IGF2BP3: variants seen among roughly 807,000 people sequenced by gnomAD.
IGF2BP3 encodes insulin-like growth factor 2 mRNA-binding protein 3.
A neutral mutation model predicts 73.8 loss-of-function variants in IGF2BP3; 9 were observed. The ratio of observed to expected loss-of-function variants is 0.12; its 90% CI spans 0.07 to 0.21. IGF2BP3 has a LOEUF of 0.21. Ranked by LOEUF, IGF2BP3 falls within the 10% of genes least tolerant of loss-of-function variation. The pLI is 1.00. For synonymous variants in IGF2BP3, 258 were observed against 256.7 expected (o/e 1.01, Z -0.05); for missense variants, 542 against 714.0 (o/e 0.76, Z 2.75).
intron 2 of IGF2BP3, among the ~76,000 whole-genome samples, chr7:23,442,677 C>A (rs1787964529): frequency 6.6e-6 from 1 of 152,116 alleles, no homozygotes; most frequent in Non-Finnish European, 1.5e-5. Flanking sequence ...GGATTACAGG[C>A]TTGAGCTACC....
intron 10 of IGF2BP3, among the ~76,000 whole-genome samples, chr7:23,333,116 T>C (rs1391339989): frequency 2.0e-5 from 3 of 152,208 alleles, no homozygotes; most frequent in East Asian, 3.9e-4. Flanking sequence ...TCTGTAAAGA[T>C]AAAACAAAGG....
chr7:23,361,663 T>A (rs749936622), intron 4 of IGF2BP3, 27 bp downstream of exon 4: 1 of 1,613,708 alleles, frequency 6.2e-7, no homozygotes, highest in Non-Finnish European at 8.5e-7. Flanking sequence ...CTTTTACAAA[T>A]TTGAAAGCAA....
At chr7:23,334,950 T>C (rs769886000) in intron 10 of IGF2BP3, among the ~76,000 whole-genome samples, 4 of 151,940 alleles carry the variant, frequency 2.6e-5, no homozygotes, top group Non-Finnish European at 4.4e-5. Flanking sequence ...CGGTTTCCCT[T>C]TGGCTTGTAA....
chr7:23,438,710 A>T (rs1004000619), intron 2 of IGF2BP3, among the ~76,000 whole-genome samples: 3 of 152,236 alleles, frequency 2.0e-5, no homozygotes, highest in African/African-American at 4.8e-5. Flanking sequence ...ATCTTTAAAA[A>T]TTTAGTTAAA....
Position 23,311,359 on chromosome 7 carries a change from T to C in IGF2BP3, c.*1003A>G, listed in dbSNP as rs549998549. On this transcript the variant is annotated 3_prime_UTR_variant, in exon 15 of 15. Transcript: ENST00000258729. ...TTCACTGATGCACTTTCTTTAGGTA[T>C]TGATAGTCAGAAGCACAAAGCATTT... 4.6e-5 allele frequency: 7 copies of C among 152,740 alleles called. No individual in the cohort carries two copies. In the East Asian group the frequency reaches 1.2e-3, roughly 25 times the overall value. The allele number at this position is 152,740 out of a possible 1,614,324, so 9.5% of individuals were successfully genotyped here. A position where few individuals can be genotyped will look rare whatever the true frequency, so the allele number is the denominator to read the frequency against.
intron 3 of IGF2BP3, among the ~76,000 whole-genome samples, chr7:23,395,899 C>T (rs2128523170): frequency 6.6e-6 from 1 of 152,178 alleles, no homozygotes; most frequent in Admixed American, 6.5e-5. Flanking sequence ...GCACTCCAGC[C>T]TGGGCAACAG....
intron 3 of IGF2BP3, among the ~76,000 whole-genome samples, chr7:23,405,997 G>A (rs142150154): frequency 0.022 from 3,327 of 151,602 alleles, 60 homozygotes; most frequent in South Asian, 0.093. Context: ...CTCTACAACC[G>A]GTGAGTTCTC....
chr7:23,347,094 G>T (rs1420622397), intron 7 of IGF2BP3, among the ~76,000 whole-genome samples: 1 of 152,074 alleles, frequency 6.6e-6, no homozygotes, highest in Non-Finnish European at 1.5e-5. Context: ...TACGCTAAAC[G>T]TGGCACAGAA....
At chr7:23,375,329 C>G (rs1419578889) in intron 3 of IGF2BP3, among the ~76,000 whole-genome samples, 1 of 152,170 alleles carries the variant, frequency 6.6e-6, no homozygotes, top group East Asian at 1.9e-4. Context: ...AGGTGGGAGT[C>G]CCAGCTATTG....
chr7:23,435,576 C>T (rs961921296), intron 2 of IGF2BP3, among the ~76,000 whole-genome samples: 4 of 151,918 alleles, frequency 2.6e-5, no homozygotes, highest in Non-Finnish European at 5.9e-5. Flanking sequence ...CTGCTTCAGC[C>T]TCCCGAGTAG....
At chr7:23,363,074 G>A (rs887481877) in intron 3 of IGF2BP3, among the ~76,000 whole-genome samples, 5 of 152,082 alleles carry the variant, frequency 3.3e-5, no homozygotes, top group African/African-American at 9.7e-5. Flanking sequence ...AAGTTAAAAG[G>A]GCGGTTCCTT....
intron 10 of IGF2BP3, among the ~76,000 whole-genome samples, chr7:23,339,317 T>C (rs78515160): frequency 0.018 from 2,683 of 152,350 alleles, 82 homozygotes; most frequent in African/African-American, 0.056. Flanking sequence ...CATTCAGACA[T>C]TTAAGACTGT....
intron 10 of IGF2BP3, among the ~76,000 whole-genome samples, chr7:23,332,954 G>GT (rs1784479567): frequency 6.6e-6 from 1 of 152,198 alleles, no homozygotes; most frequent in African/African-American, 2.4e-5. Flanking sequence ...GGGGGAAGCT[G>GT]GTGGTGATAA....
chr7:23,373,295 T>C (rs2128512906), intron 3 of IGF2BP3, among the ~76,000 whole-genome samples: 1 of 152,356 alleles, frequency 6.6e-6, no homozygotes, highest in Non-Finnish European at 1.5e-5. Flanking sequence ...TAGGTGGTTT[T>C]TGAACCACCT....
chr7:23,428,322 A>C (rs1040243132), intron 2 of IGF2BP3, among the ~76,000 whole-genome samples: 2 of 151,838 alleles, frequency 1.3e-5, no homozygotes, highest in Non-Finnish European at 2.9e-5. Context: ...AGTACAAAAA[A>C]TTAGCCGAGC....
rs761573814 is a variant in IGF2BP3, at chr7:23,347,739, T to C, written c.684-5A>G. 4.6e-5 allele frequency: 74 copies of C among 1,613,794 alleles called. No homozygotes were observed. The highest frequency in any genetic ancestry group is 5.8e-5 in the Non-Finnish European group (68 of 1,179,998). ...TCTTTACGGTGGACATCGATTCTGA[T>C]AGTGGGCGCAAGCAGAGAGGAAAAC... On this transcript the variant is annotated splice_region_variant and splice_polypyrimidine_tract_variant and intron_variant, in intron 6 of 14. Coordinates refer to ENST00000258729, the MANE Select transcript of IGF2BP3 (RefSeq NM_006547.3).
chr7:23,384,054 C>T (rs1475990724), intron 3 of IGF2BP3, among the ~76,000 whole-genome samples: 5 of 147,314 alleles, frequency 3.4e-5, no homozygotes, highest in Admixed American at 1.4e-4. Flanking sequence ...CGAGATTGTG[C>T]CACTGCACTC....
chr7:23,322,130 G>A (rs538288147), intron 10 of IGF2BP3, among the ~76,000 whole-genome samples: 20 of 152,206 alleles, frequency 1.3e-4, no homozygotes, highest in African/African-American at 4.3e-4. Flanking sequence ...TGTGAGCTAC[G>A]GGAGGAAATT....
chr7:23,447,381 T>C (rs1037451743), intron 2 of IGF2BP3, among the ~76,000 whole-genome samples: 1 of 151,854 alleles, frequency 6.6e-6, no homozygotes, highest in Admixed American at 6.6e-5. Context: ...TCCCAGCACT[T>C]AGGAGGCCAA....
Sources: gnomAD v4.1 joint callset for allele counts (sites outside exome capture counted in the v4.1 genomes callset) on GRCh38, gnomAD v4.1.1 for gene constraint, MANE v1.5 for transcripts, NCBI Gene and HGNC (gene_info 2026-07-23, HGNC 2026-07-21) for gene names.